NEDD9: variants seen among roughly 807,000 people sequenced by gnomAD.
NEDD9 encodes the protein enhancer of filamentation 1.
NEDD9 carries 26 observed loss-of-function variants against 76.6 expected under a neutral mutation model. The observed-to-expected ratio is 0.34, with a 90% CI of 0.25 to 0.47. The LOEUF (loss-of-function observed/expected upper bound fraction) is 0.47. NEDD9 is among the 20% of genes least tolerant of loss of function. The pLI, the probability that NEDD9 is intolerant of heterozygous loss-of-function variation, is 1.00. For synonymous variants in NEDD9, 392 were observed against 414.2 expected (o/e 0.95, Z 0.65); for missense variants, 937 against 1,058.5 (o/e 0.89, Z 1.59).
At chr6:11,320,935 G>A (rs773318162) in intron 2 of NEDD9, among the ~76,000 whole-genome samples, 1 of 151,956 alleles carries the variant, frequency 6.6e-6, no homozygotes, top group Non-Finnish European at 1.5e-5. Context: ...GGCAGGGGTG[G>A]GGTGGGGGTA....
At position 11,190,175 on chromosome 6, in the gene NEDD9, T is replaced by A. The variant is rs139703680; in HGVS notation, c.1694A>T (p.His565Leu). ...GATGCTCTCCGGCCCATTCTTCAGA[T>A]GCAAGCTGCCAGGGCCGGGTCTGAA... The part of the protein sequence containing the change: ...ALFRPGPGSL[H>L]LKNGPESIMN... The change falls in exon 5 of 7, where the codon CAT becomes CTT. Residue 565 changes from histidine (H) to leucine (L), a missense_variant. Transcript: ENST00000379446. This position sits in a 1 kb window ranked among gnomAD's most constrained non-coding sequence, Gnocchi z 5.8. 4 of 1,614,218 alleles carry A rather than the reference T, an allele frequency of 2.5e-6. No homozygotes were observed. Among genetic ancestry groups the A allele is most frequent in the Non-Finnish European group, 3.4e-6 (4 of 1,180,036 alleles).
chr6:11,254,669 G>A (rs1488539092), intron 3 of NEDD9, among the ~76,000 whole-genome samples: 2 of 152,158 alleles, frequency 1.3e-5, no homozygotes, highest in Admixed American at 1.3e-4. Flanking sequence ...TGCCATGACA[G>A]CCATCTGGAG....
At chr6:11,308,219 T>G (rs1229179517) in intron 2 of NEDD9, among the ~76,000 whole-genome samples, 3 of 151,694 alleles carry the variant, frequency 2.0e-5, no homozygotes, top group Non-Finnish European at 4.4e-5. Flanking sequence ...GGCATAAGGG[T>G]AGATGGCTGG....
chr6:11,276,732 CCTT>C (rs1417877793), intron 3 of NEDD9, among the ~76,000 whole-genome samples: 1 of 152,174 alleles, frequency 6.6e-6, no homozygotes, highest in African/African-American at 2.4e-5. Flanking sequence ...ATTGGTTCCA[CCTT>C]CTCTCTTTAC....
chr6:11,305,435 C>T, intron 3 of NEDD9: 1 of 212,370 alleles, frequency 4.7e-6, no homozygotes, highest in Non-Finnish European at 9.7e-6. Flanking sequence ...CTTTTAGAGG[C>T]CAACTAATAG....
chr6:11,221,919 G>T (rs1223595453), intron 1 of NEDD9, among the ~76,000 whole-genome samples: 1 of 152,088 alleles, frequency 6.6e-6, no homozygotes, highest in Non-Finnish European at 1.5e-5. Flanking sequence ...TACAGTGTTG[G>T]CACTGGATCA....
At chr6:11,254,117 C>T (rs981996594) in intron 3 of NEDD9, among the ~76,000 whole-genome samples, 35 of 151,988 alleles carry the variant, frequency 2.3e-4, no homozygotes, top group Admixed American at 6.6e-5. Flanking sequence ...TTATCTGAAA[C>T]TTTTCTTTCT....
At chr6:11,296,905 T>C (rs1421286727) in intron 3 of NEDD9, among the ~76,000 whole-genome samples, 1 of 152,084 alleles carries the variant, frequency 6.6e-6, no homozygotes, top group Non-Finnish European at 1.5e-5. Context: ...ATTTTTGTAT[T>C]TTTAGTAGAG....
intron 1 of NEDD9, among the ~76,000 whole-genome samples, chr6:11,344,447 C>G (rs931933281): frequency 1.3e-5 from 2 of 152,222 alleles, no homozygotes; most frequent in African/African-American, 2.4e-5. Flanking sequence ...AAGCATCACA[C>G]TCTTCCAAAG....
At chr6:11,231,574 CATAAA>C (rs1476517483) in intron 1 of NEDD9, among the ~76,000 whole-genome samples, 1 of 152,270 alleles carries the variant, frequency 6.6e-6, no homozygotes, top group East Asian at 1.9e-4. Flanking sequence ...TTTAAAATAG[CATAAA>C]ATAAAATAGT....
intron 2 of NEDD9, among the ~76,000 whole-genome samples, chr6:11,308,240 G>A (rs909938865): frequency 6.6e-5 from 10 of 151,978 alleles, no homozygotes; most frequent in African/African-American, 2.4e-4. Context: ...GTCTAGGGGT[G>A]GCTTCTTCCT....
chr6:11,361,001 C>A (rs543685686), intron 1 of NEDD9, among the ~76,000 whole-genome samples: 1 of 152,154 alleles, frequency 6.6e-6, no homozygotes, highest in Non-Finnish European at 1.5e-5. Flanking sequence ...TGACTGTGAG[C>A]GTACATGTGT....
At chr6:11,204,765 G>A (rs368080712) in intron 2 of NEDD9, among the ~76,000 whole-genome samples, 12 of 139,480 alleles carry the variant, frequency 8.6e-5, no homozygotes, top group South Asian at 2.5e-4. Flanking sequence ...GAAAAGGAAA[G>A]AAAAGACTTT....
At chr6:11,287,592 G>A (rs749830305) in intron 3 of NEDD9, among the ~76,000 whole-genome samples, 1 of 152,070 alleles carries the variant, frequency 6.6e-6, no homozygotes, top group Non-Finnish European at 1.5e-5. Context: ...ACAGATAACG[G>A]TCTTGAGTTT....
At chr6:11,311,768 G>T (rs532902716) in intron 2 of NEDD9, among the ~76,000 whole-genome samples, 1 of 152,300 alleles carries the variant, frequency 6.6e-6, no homozygotes, top group South Asian at 2.1e-4. Flanking sequence ...AGCACTTTGG[G>T]TCGGGCGCAG....
intron 1 of NEDD9, among the ~76,000 whole-genome samples, chr6:11,378,797 C>T (rs376046810): frequency 6.6e-6 from 1 of 152,126 alleles, no homozygotes; most frequent in Non-Finnish European, 1.5e-5. Context: ...CAGACCTTCA[C>T]GAACCAGAGC....
intron 3 of NEDD9, among the ~76,000 whole-genome samples, chr6:11,304,249 C>T (rs956363441): frequency 2.0e-5 from 3 of 152,132 alleles, no homozygotes; most frequent in African/African-American, 2.4e-5. Context: ...ATCAAAACCA[C>T]AAAGAGATAC....
intron 3 of NEDD9, among the ~76,000 whole-genome samples, chr6:11,286,837 G>A (rs1448609854): frequency 6.6e-6 from 1 of 152,182 alleles, no homozygotes; most frequent in Non-Finnish European, 1.5e-5. Context: ...AAGCAGCAGA[G>A]GTGGGATTAC....
At chr6:11,381,303 C>T (rs904651826) in intron 1 of NEDD9, among the ~76,000 whole-genome samples, 12 of 152,154 alleles carry the variant, frequency 7.9e-5, no homozygotes, top group South Asian at 2.1e-4. Context: ...ATGACTAGAG[C>T]GCCTACTCTC....
Sources: allele counts gnomAD v4.1 joint callset (sites outside exome capture counted in the v4.1 genomes callset), GRCh38; gene constraint gnomAD v4.1.1; non-coding constraint Gnocchi (gnomAD v3.1); transcripts MANE v1.5; gene names NCBI Gene and HGNC (gene_info 2026-07-23, HGNC 2026-07-21).